Variants in KIRREL3 observed in about 807,000 individuals in gnomAD.
KIRREL3 encodes the protein kirre like nephrin family adhesion molecule 3.
KIRREL3 carries 36 observed loss-of-function variants against 89.7 expected under a neutral mutation model. The ratio of observed to expected loss-of-function variants is 0.40; its 90% CI spans 0.31 to 0.53. The LOEUF is 0.53. KIRREL3 is among the 20% of genes least tolerant of loss of function. The pLI is 0.49. For synonymous variants in KIRREL3, 445 were observed against 441.4 expected (o/e 1.01, Z -0.10); for missense variants, 864 against 1,056.6 (o/e 0.82, Z 2.53).
In KIRREL3 at chr11:127,000,638, G is replaced by T. The variant is rs1341749429; in HGVS notation, c.-129C>A. ...GCGCCTACCATCTGTCCGTCCGTGG[G>T]TCCCTCCGGGTGGCTTCGGTCTCTT... On this transcript the variant is annotated 5_prime_UTR_variant, in exon 1 of 17. Transcript: ENST00000525144. This position sits in a 1 kb window ranked among gnomAD's most constrained non-coding sequence, Gnocchi z 7.1. 4.5e-6 allele frequency: 4 copies of T among 881,574 alleles called. No individual in the cohort carries two copies. In the African/African-American group the frequency reaches 5.1e-5, roughly 11 times the overall value. The allele number at this position is 881,574 out of a possible 1,614,324, so 54.6% of individuals were successfully genotyped here.
At chr11:126,662,822 G>A (rs377537687) in intron 1 of KIRREL3, among the ~76,000 whole-genome samples, 36 of 150,962 alleles carry the variant, frequency 2.4e-4, no homozygotes, top group African/African-American at 8.7e-4. Context: ...AAGAAGAAGA[G>A]ACCCAGTGGG....
intron 8 of KIRREL3, among the ~76,000 whole-genome samples, chr11:126,448,298 A>AG (rs1285137388): frequency 4.8e-5 from 7 of 147,314 alleles, no homozygotes; most frequent in East Asian, 4.0e-4. Context: ...AAAAAAAAAA[A>AG]AAAGAAATAA....
chr11:126,968,231 T>G (rs1168383012), intron 1 of KIRREL3, among the ~76,000 whole-genome samples: 1 of 152,182 alleles, frequency 6.6e-6, no homozygotes, highest in Non-Finnish European at 1.5e-5. Flanking sequence ...TTTTTTTAAT[T>G]AACAGATATA....
intron 1 of KIRREL3, among the ~76,000 whole-genome samples, chr11:126,992,710 C>T (rs1443852040): frequency 6.6e-6 from 1 of 152,122 alleles, no homozygotes; most frequent in East Asian, 1.9e-4. Context: ...GCAAAATGTC[C>T]CTAGGTTTTT....
intron 1 of KIRREL3, among the ~76,000 whole-genome samples, chr11:126,806,294 A>G (rs557684973): frequency 2.6e-5 from 4 of 152,208 alleles, no homozygotes; most frequent in Non-Finnish European, 5.9e-5. Context: ...TAAAAAGGAC[A>G]TATTGCCTTC....
In KIRREL3 at chr11:126,697,170, C is replaced by A. The variant is rs1309260680; in HGVS notation, c.56-134258G>T. Among the ~76,000 whole-genome samples the A allele has an allele frequency of 6.6e-6, 1 of 152,170 alleles. No individual in the cohort carries two copies. The highest frequency in any genetic ancestry group is 1.9e-4 in the East Asian group (1 of 5,188). On this transcript the variant is annotated intron_variant, in intron 1 of 16. Coordinates refer to ENST00000525144, the MANE Select transcript of KIRREL3 (RefSeq NM_032531.4). The surrounding 1 kb of genome is among the most constrained non-coding windows in gnomAD (Gnocchi z 4.2). ...CACTTCCTCCGCTGGTCCCCCAGAC[C>A]TGTGTTCACCTGGCTCACAGCCCTC... is the stretch of plus-strand genomic sequence containing the variant.
intron 12 of KIRREL3, among the ~76,000 whole-genome samples, chr11:126,436,138 G>A (rs370996939): frequency 2.5e-3 from 378 of 152,270 alleles, no homozygotes; most frequent in African/African-American, 3.6e-3. Context: ...GGGGCACAGT[G>A]GGGTGAGGCT....
Position 126,435,250 on chromosome 11 carries a change from C to T in KIRREL3, c.1588+18G>A, listed in dbSNP as rs947257854. ...CTTCCCCCCTTCCCAGGGCCATTCTCATCATCTCCTTCCGTACCTGCTTCC... is the reference window on the plus strand; with the variant it reads ...CTTCCCCCCTTCCCAGGGCCATTCTTATCATCTCCTTCCGTACCTGCTTCC... On this transcript the variant is annotated intron_variant, in intron 13 of 16. Transcript: ENST00000525144. The T allele has an allele frequency of 5.6e-6, 9 of 1,613,424 alleles. No homozygotes were observed. The highest frequency in any genetic ancestry group is 4.5e-5 in the East Asian group (2 of 44,862).
chr11:126,502,380 CAG>C (rs1365340719), intron 4 of KIRREL3, among the ~76,000 whole-genome samples: 2 of 152,236 alleles, frequency 1.3e-5, no homozygotes, highest in Non-Finnish European at 2.9e-5. Flanking sequence ...CAAGAGGAAA[CAG>C]GACAGCTCCT....
intron 1 of KIRREL3, among the ~76,000 whole-genome samples, chr11:126,745,498 A>C (rs1363254871): frequency 6.7e-5 from 6 of 88,948 alleles, no homozygotes; most frequent in African/African-American, 1.7e-4. Context: ...AGAAAAACAA[A>C]AAAAAAAAAC....
rs1591603262 is a variant in KIRREL3, at chr11:126,476,289, G to A, written c.434-2823C>T. On this transcript the variant is annotated intron_variant, in intron 4 of 16. Coordinates refer to ENST00000525144, the MANE Select transcript of KIRREL3 (RefSeq NM_032531.4). The surrounding 1 kb of genome is among the most constrained non-coding windows in gnomAD (Gnocchi z 6.4). ...ATCAGGACTTTGGGGAGCTCCCCAG[G>A]GGGTCCCATGGCAGGACCAGCTTTC... 6.6e-6 allele frequency among the ~76,000 whole-genome samples: 1 copy of A among 152,186 alleles called. No individual in the cohort carries two copies. The highest frequency in any genetic ancestry group is 1.5e-5 in the Non-Finnish European group (1 of 68,038).
chr11:126,676,234 T>C lies in KIRREL3; in HGVS notation c.56-113322A>G, dbSNP rs901346867. Reference sequence around the variant, plus strand: ...TGCTAGTAACTATCACGGGCAAAGATGAAATCAGCTAGGAAAGAAAGCACA... The same window carrying C: ...TGCTAGTAACTATCACGGGCAAAGACGAAATCAGCTAGGAAAGAAAGCACA... On this transcript the variant is annotated intron_variant, in intron 1 of 16. Transcript: ENST00000525144. The surrounding 1 kb of genome is among the most constrained non-coding windows in gnomAD (Gnocchi z 4.5). Among the ~76,000 whole-genome samples the C allele has an allele frequency of 6.6e-6, 1 of 152,104 alleles. No homozygotes were observed. The highest frequency in any genetic ancestry group is 2.4e-5 in the African/African-American group (1 of 41,402).
rs781778540 is a variant in KIRREL3, at chr11:126,997,186, G to A, written c.55+3269C>T. 9.5e-4 allele frequency among the ~76,000 whole-genome samples: 145 copies of A among 152,294 alleles called. 2 individuals are homozygous for A. The highest frequency in any genetic ancestry group is 2.8e-4 in the Non-Finnish European group (19 of 68,030). On this transcript the variant is annotated intron_variant, in intron 1 of 16. Coordinates refer to ENST00000525144, the MANE Select transcript of KIRREL3 (RefSeq NM_032531.4). The surrounding 1 kb of genome is among the most constrained non-coding windows in gnomAD (Gnocchi z 4.3). ...AGAAGGAAATAGTTGTGGGTGAACT[G>A]AAATGATAAAGAGGAAAAAATATAG...
Position 126,694,219 on chromosome 11 carries a change from T to A in KIRREL3, c.56-131307A>T, listed in dbSNP as rs1180239764. On this transcript the variant is annotated intron_variant, in intron 1 of 16. Coordinates refer to ENST00000525144, the MANE Select transcript of KIRREL3 (RefSeq NM_032531.4). The surrounding 1 kb of genome is among the most constrained non-coding windows in gnomAD (Gnocchi z 4.4). ...GGGAAATAATGAAAAAGGCTCTTTG[T>A]TTTTCCCCCAGTCCGAACTCCTAGC... is the stretch of plus-strand genomic sequence containing the variant. 6.6e-6 allele frequency among the ~76,000 whole-genome samples: 1 copy of A among 152,210 alleles called. No individual in the cohort carries two copies. The highest frequency in any genetic ancestry group is 6.5e-5 in the Admixed American group (1 of 15,282).
Position 126,431,646 on chromosome 11 carries a change from C to G in KIRREL3, c.1589-120G>C. On this transcript the variant is annotated intron_variant, in intron 13 of 16. Transcript: ENST00000525144. This position sits in a 1 kb window ranked among gnomAD's most constrained non-coding sequence, Gnocchi z 7.1. ...CACATGGGGCCCTCCTGGGAAATGCCTCAGTGGGGCCTGGGCAGGCACAGG... is the reference window on the plus strand; with the variant it reads ...CACATGGGGCCCTCCTGGGAAATGCGTCAGTGGGGCCTGGGCAGGCACAGG... The G allele has an allele frequency of 1.0e-6, 1 of 987,360 alleles. No homozygotes were observed. The highest frequency in any genetic ancestry group is 1.5e-6 in the Non-Finnish European group (1 of 662,858). The allele number at this position is 987,360 out of a possible 1,614,324, so 61.2% of individuals were successfully genotyped here. A position where few individuals can be genotyped will look rare whatever the true frequency, so the allele number is the denominator to read the frequency against.
chr11:126,465,652 G>A (rs75013802), intron 5 of KIRREL3, among the ~76,000 whole-genome samples: 25,365 of 152,176 alleles, frequency 0.17, 2,625 homozygotes, highest in East Asian at 0.39. Context: ...AGAGCCACGC[G>A]GTGCAGCTGC....
chr11:126,648,622 G>T, intron 1 of KIRREL3, among the ~76,000 whole-genome samples: 1 of 152,102 alleles, frequency 6.6e-6, no homozygotes, highest in East Asian at 1.9e-4. Context: ...TGAAGTCTTA[G>T]CTATTTGTTT....
rs375873911 is a variant in KIRREL3, at chr11:126,854,126, TTGTG to T, written c.55+146325_55+146328del. On this transcript the variant is annotated intron_variant, in intron 1 of 16. Transcript: ENST00000525144. ...CTAAACTCTTCCAGTAATAAGTTTCTTGTGTGTGTGTGTGTGTGTGTGTGTGTGT... is the reference window on the plus strand; with the variant it reads ...CTAAACTCTTCCAGTAATAAGTTTCTTGTGTGTGTGTGTGTGTGTGTGTGT... Among the ~76,000 whole-genome samples the T allele has an allele frequency of 4.6e-3, 669 of 143,994 alleles. 7 individuals carry two copies. Among genetic ancestry groups the T allele is most frequent in the South Asian group, 0.039 (169 of 4,322 alleles). 94.5% of individuals were successfully genotyped at this position (143,994 alleles called of 152,430 possible). A position where few individuals can be genotyped will look rare whatever the true frequency, so the allele number is the denominator to read the frequency against.
chr11:126,720,178 C>G (rs988653564), intron 1 of KIRREL3, among the ~76,000 whole-genome samples: 3 of 152,234 alleles, frequency 2.0e-5, no homozygotes, highest in Admixed American at 6.5e-5. Context: ...TGAGCTCCCA[C>G]TTGAATGTAA....
Sources: gnomAD v4.1 joint callset for allele counts (sites outside exome capture counted in the v4.1 genomes callset) on GRCh38, gnomAD v4.1.1 for gene constraint, Gnocchi (gnomAD v3.1) non-coding constraint, MANE v1.5 for transcripts, NCBI Gene and HGNC (gene_info 2026-07-23, HGNC 2026-07-21) for gene names.